CEP170B: variants seen among roughly 807,000 people sequenced by gnomAD.
CEP170B encodes centrosomal protein 170B, also known as centrosomal protein of 170 kDa protein B.
In CEP170B, 55 loss-of-function variants were observed where a neutral mutation model predicts 120.6. The ratio of observed to expected loss-of-function variants is 0.46; its 90% CI spans 0.37 to 0.57. The LOEUF (loss-of-function observed/expected upper bound fraction) is 0.57, where lower values mean the gene tolerates loss of function less well. Among genes scored for constraint, CEP170B ranks in the 20% least tolerant of loss-of-function variants. CEP170B has a pLI of 0.00. For missense variants in CEP170B, 2,212 were observed against 2,253.3 expected (o/e 0.98, Z 0.37); for synonymous variants, 1,033 against 954.5 (o/e 1.08, Z -1.52).
Position 104,884,305 on chromosome 14 carries a change from G to C in CEP170B, c.1526G>C (p.Arg509Pro). Residue 509 changes from arginine to proline, a missense_variant, in exon 9 of 19, where the codon CGG becomes CCG. Physicochemically the swap from Arg to Pro is moderately radical, Grantham distance 103 (BLOSUM62 -2). This residue lies in a region of CEP170B where 2,166 missense variants were observed against 2,166.7 expected (regional missense o/e 1.00). Coordinates refer to ENST00000414716, the MANE Select transcript of CEP170B (RefSeq NM_001112726.3). ...LAQDFMAQCL[R>P]ESSPAARPSP... The stretch of plus-strand genomic sequence containing the variant: ...CAGGACTTCATGGCCCAGTGTCTGC[G>C]GGAGAGCTCCCCGGCCGCCCGGCCC... The C allele has an allele frequency of 1.9e-6, 3 of 1,543,834 alleles. No individual in the cohort carries two copies. The highest frequency in any genetic ancestry group is 2.4e-5 in the South Asian group (2 of 83,652).
At chr14:104,889,382 G>GT (rs1896675592) in intron 12 of CEP170B, 4 of 962,126 alleles carry the variant, frequency 4.2e-6, no homozygotes, top group Non-Finnish European at 5.9e-6. Context: ...GGGCTACTGG[G>GT]TGGGGGCACC....
chr14:104,876,146 G>A, intron 2 of CEP170B, 110 bp from the exon 3 acceptor site: 1 of 989,160 alleles, frequency 1.0e-6, no homozygotes, highest in East Asian at 2.6e-5. Flanking sequence ...GAGGCCTGGG[G>A]GCCACTGCTG....
chr14:104,868,512 A>G lies in CEP170B; in HGVS notation c.62A>G (p.Glu21Gly), dbSNP rs985734954. The change falls in exon 2 of 19, where the codon GAG (glutamate) becomes GGG (glycine). Residue 21 changes from glutamate (E) to glycine (G), a missense_variant. By Grantham distance (98) the Glu-to-Gly change is moderately conservative (BLOSUM62 -2). Transcript: ENST00000414716. The surrounding 1 kb of genome is among the most constrained non-coding windows in gnomAD (Gnocchi z 5.9). ...SSGARHRLPR[E>G]LIFVGREECE... ...GGCGCCCGCCACCGGCTCCCTCGGG[A>G]GCTCATCTTCGTGGGGCGTGAGGAG... The G allele has an allele frequency of 1.3e-6, 2 of 1,549,546 alleles. No homozygotes were observed. Among genetic ancestry groups the G allele is most frequent in the African/African-American group, 1.4e-5 (1 of 72,998 alleles).
In CEP170B at chr14:104,870,956, T is replaced by C. The variant is rs1019946853; in HGVS notation, c.105+2401T>C. ...CCCACCGCTGCCCCCTGCCGGCCTC[T>C]GTCACCCCTCACTCCCTGTGCACCT... On this transcript the variant is annotated intron_variant, in intron 2 of 18. Transcript: ENST00000414716. This position sits in a 1 kb window ranked among gnomAD's most constrained non-coding sequence, Gnocchi z 4.1. Among the ~76,000 whole-genome samples the C allele has an allele frequency of 6.6e-6, 1 of 151,996 alleles. No individual in the cohort carries two copies. Among genetic ancestry groups the C allele is most frequent in the Non-Finnish European group, 1.5e-5 (1 of 67,980 alleles).
chr14:104,892,989 C>T lies in CEP170B; in HGVS notation c.3892C>T (p.Leu1298=). 6.4e-7 allele frequency: 1 copy of T among 1,569,402 alleles called. No individual in the cohort carries two copies. Residue 1298 remains leucine (L), a synonymous_variant, in exon 14 of 19, where the codon CTG becomes TTG. Coordinates refer to ENST00000414716, the MANE Select transcript of CEP170B (RefSeq NM_001112726.3). ...IAEIARLSQT[L]VKDVAILAQE... is the part of the protein sequence containing the mutation. ...TGCCGGCTGCAGGCTGAGCCAGACG[C>T]TGGTGAAGGACGTGGCCATCCTAGC...
intron 12 of CEP170B, 24 bp from the exon 13 acceptor site, chr14:104,889,596 A>G: frequency 1.2e-6 from 2 of 1,608,242 alleles, no homozygotes; most frequent in East Asian, 4.5e-5. Flanking sequence ...TCCCCCAAAC[A>G]CACACGCTCC....
Position 104,870,088 on chromosome 14 carries a change from G to A in CEP170B, c.105+1533G>A, listed in dbSNP as rs1895398572. ...GGGAGAGAGTCGGTGGCTGGGGGCAGGAGTCGGCAAATGTTTTCTACAAGG... is the reference window on the plus strand; with the variant it reads ...GGGAGAGAGTCGGTGGCTGGGGGCAAGAGTCGGCAAATGTTTTCTACAAGG... On this transcript the variant is annotated intron_variant, in intron 2 of 18. Coordinates refer to ENST00000414716, the MANE Select transcript of CEP170B (RefSeq NM_001112726.3). The surrounding 1 kb of genome is among the most constrained non-coding windows in gnomAD (Gnocchi z 4.1). Among the ~76,000 whole-genome samples the A allele has an allele frequency of 7.1e-6, 1 of 140,406 alleles. No individual in the cohort carries two copies. Among genetic ancestry groups the A allele is most frequent in the Non-Finnish European group, 1.6e-5 (1 of 62,768 alleles). The allele number at this position is 140,406 out of a possible 152,430, so 92.1% of individuals were successfully genotyped here. A position where few individuals can be genotyped will look rare whatever the true frequency, so the allele number is the denominator to read the frequency against.
At chr14:104,875,562 G>T (rs1045179300) in intron 2 of CEP170B, among the ~76,000 whole-genome samples, 5 of 151,818 alleles carry the variant, frequency 3.3e-5, no homozygotes, top group African/African-American at 1.2e-4. Context: ...TGGGGGCCGG[G>T]TGGGCAGCAG....
chr14:104,883,707 G>C, intron 8 of CEP170B, 124 bp from the exon 9 acceptor site: 1 of 1,132,102 alleles, frequency 8.8e-7, no homozygotes. Context: ...CCCTGTGTGG[G>C]GGGGCCCTGA....
Position 104,868,592 on chromosome 14 carries a change from G to A in CEP170B, c.105+37G>A, listed in dbSNP as rs1157104187. On this transcript the variant is annotated intron_variant, in intron 2 of 18. Transcript: ENST00000414716. The surrounding 1 kb of genome is among the most constrained non-coding windows in gnomAD (Gnocchi z 5.9). ...GCGCTTGGGGCCAGGAGGGTAGGGGGTAGACAGTCTGTCCCTGTGGAGGCC... is the reference window on the plus strand; with the variant it reads ...GCGCTTGGGGCCAGGAGGGTAGGGGATAGACAGTCTGTCCCTGTGGAGGCC... 1.3e-6 allele frequency: 2 copies of A among 1,529,902 alleles called. No homozygotes were observed. Among genetic ancestry groups the A allele is most frequent in the African/African-American group, 1.4e-5 (1 of 72,830 alleles). The allele number at this position is 1,529,902 out of a possible 1,614,324, so 94.8% of individuals were successfully genotyped here.
At chr14:104,872,968 C>G (rs577137729) in intron 2 of CEP170B, among the ~76,000 whole-genome samples, 38 of 152,360 alleles carry the variant, frequency 2.5e-4, no homozygotes, top group Admixed American at 7.8e-4. Context: ...GTTTCTGCAC[C>G]GAGTTCCGTC....
Position 104,886,171 on chromosome 14 carries a change from G to A in CEP170B, c.2035+41G>A, listed in dbSNP as rs757136268. ...GCTGCGGGGGAGTCGGGCCAGGCCGGGGCGGGCCTCAGGCCACTGACCACG... is the reference window on the plus strand; with the variant it reads ...GCTGCGGGGGAGTCGGGCCAGGCCGAGGCGGGCCTCAGGCCACTGACCACG... On this transcript the variant is annotated intron_variant, in intron 11 of 18. Transcript: ENST00000414716. 7 of 1,493,602 alleles carry A rather than the reference G, an allele frequency of 4.7e-6. No homozygotes were observed. The South Asian group carries it at 8.9e-5, about 19-fold the overall frequency. 92.5% of individuals were successfully genotyped at this position (1,493,602 alleles called of 1,614,324 possible).
Position 104,884,233 on chromosome 14 carries a change from C to T in CEP170B, c.1454C>T (p.Thr485Ile). 6.5e-7 allele frequency: 1 copy of T among 1,543,186 alleles called. No individual in the cohort carries two copies. The highest frequency in any genetic ancestry group is 8.7e-7 in the Non-Finnish European group (1 of 1,146,672). Residue 485 changes from threonine (T) to isoleucine (I), a missense_variant, in exon 9 of 19, where the codon ACC becomes ATC. Thr to Ile is a moderately conservative substitution (Grantham distance 89). Around this residue, in one of 2 missense-constraint regions of CEP170B, gnomAD observed 2,166 missense variants for 2,166.7 expected, o/e 1.00. Coordinates refer to ENST00000414716, the MANE Select transcript of CEP170B (RefSeq NM_001112726.3). ...GGCAGCCCCTCGCCCGCCTCCCGAA[C>T]CCCTGCCCGCCCCTTCGGAAGCGTG... ...RLGSPSPASR[T>I]PARPFGSVGR...
chr14:104,885,397 T>A lies in CEP170B; in HGVS notation c.1799T>A (p.Leu600His). ...TTTGGGGTGTTGGAGTCCCCTGAACTCTCCAGGGCATCTTCGGCCACCTTT... is the reference window on the plus strand; with the variant it reads ...TTTGGGGTGTTGGAGTCCCCTGAACACTCCAGGGCATCTTCGGCCACCTTT... The part of the protein sequence containing the change: ...QVFGVLESPE[L>H]SRASSATFRP... Residue 600 changes from leucine (L) to histidine (H), a missense_variant, in exon 10 of 19, where the codon CTC becomes CAC. Physicochemically the swap from Leu to His is moderately conservative, Grantham distance 99. This residue lies in a region of CEP170B where 2,166 missense variants were observed against 2,166.7 expected (regional missense o/e 1.00). Transcript: ENST00000414716. 1 of 1,570,074 alleles carries A rather than the reference T, an allele frequency of 6.4e-7. No individual in the cohort carries two copies. The highest frequency in any genetic ancestry group is 8.6e-7 in the Non-Finnish European group (1 of 1,158,128).
chr14:104,869,251 C>T (rs967828444), intron 2 of CEP170B, among the ~76,000 whole-genome samples: 2 of 152,196 alleles, frequency 1.3e-5, no homozygotes, highest in African/African-American at 2.4e-5. Context: ...TGCCTGTGAA[C>T]GAGTTGGGCT....
chr14:104,874,065 A>C (rs1401070305), intron 2 of CEP170B, among the ~76,000 whole-genome samples: 3 of 152,168 alleles, frequency 2.0e-5, no homozygotes, highest in African/African-American at 7.2e-5. Context: ...CCTGGCCCTC[A>C]GGGCTGCCCA....
rs72700176 is a variant in CEP170B, at chr14:104,880,295, G to A, written c.342G>A (p.Lys114=). The A allele has an allele frequency of 0.034, 54,563 of 1,600,126 alleles. 1,085 individuals carry two copies. The highest frequency in any genetic ancestry group is 0.054 in the Middle Eastern group (324 of 6,040). Residue 114 remains lysine (K), a synonymous_variant, in exon 6 of 19, where the codon AAG becomes AAA. Coordinates refer to ENST00000414716, the MANE Select transcript of CEP170B (RefSeq NM_001112726.3). ...RVPEEALKHE[K]YTSQLQVSVK... The stretch of plus-strand genomic sequence containing the variant: ...GCCTGGCCTGCCCACAGCATGAAAA[G>A]TACACCAGCCAGCTGCAGGTGAGCG...
intron 12 of CEP170B, among the ~76,000 whole-genome samples, chr14:104,888,964 C>T (rs187646041): frequency 9.8e-5 from 15 of 152,360 alleles, no homozygotes; most frequent in African/African-American, 2.9e-4. Context: ...CATCATGCCC[C>T]GCTACAGTGC....
chr14:104,886,874 G>T lies in CEP170B; in HGVS notation c.2635G>T (p.Ala879Ser). The change falls in exon 12 of 19, where the codon GCG becomes TCG. Residue 879 changes from alanine (A) to serine (S), a missense_variant. Coordinates refer to ENST00000414716, the MANE Select transcript of CEP170B (RefSeq NM_001112726.3). Reference protein sequence around the residue: ...FTKEPASGPPAPGKPPHISSH... With the variant: ...FTKEPASGPPSPGKPPHISSH... ...TAAGGAGCCAGCCAGTGGTCCCCCA[G>T]CGCCCGGCAAGCCCCCCCACATCTC... 6.2e-7 allele frequency: 1 copy of T among 1,610,634 alleles called. No homozygotes were observed. The highest frequency in any genetic ancestry group is 8.5e-7 in the Non-Finnish European group (1 of 1,179,812).
Sources: gnomAD v4.1 joint callset for allele counts (sites outside exome capture counted in the v4.1 genomes callset) on GRCh38, gnomAD v4.1.1 for gene constraint, gnomAD v4.1.1 regional missense constraint, Gnocchi (gnomAD v3.1) non-coding constraint, MANE v1.5 for transcripts, NCBI Gene and HGNC (gene_info 2026-07-23, HGNC 2026-07-21) for gene names.